RNF43: variants seen among roughly 807,000 people sequenced by gnomAD.
RNF43 encodes E3 ubiquitin-protein ligase RNF43.
In RNF43, 37 loss-of-function variants were observed where a neutral mutation model predicts 78.4. The observed-to-expected ratio is 0.47, with a 90% CI of 0.36 to 0.62. RNF43 has a LOEUF of 0.62. RNF43 is among the 20% of genes least tolerant of loss of function. The pLI is 0.00. For synonymous variants in RNF43, 347 were observed against 395.0 expected (o/e 0.88, Z 1.44); for missense variants, 774 against 1,007.9 (o/e 0.77, Z 3.14).
At chr17:58,377,635 T>C (rs1177567533) in intron 2 of RNF43, among the ~76,000 whole-genome samples, 1 of 151,908 alleles carries the variant, frequency 6.6e-6, no homozygotes, top group Non-Finnish European at 1.5e-5. Context: ...AAGCAATTCT[T>C]CACTGTCTCC....
rs949931901 is a variant in RNF43, at chr17:58,396,186, T to A, written c.252+19140A>T. 1.3e-5 allele frequency among the ~76,000 whole-genome samples: 2 copies of A among 152,112 alleles called. 1 individual carries two copies. The highest frequency in any genetic ancestry group is 4.1e-4 in the South Asian group (2 of 4,826). Reference sequence around the variant, plus strand: ...CAACCTAAAAAAGACCAACGTGATATGGAGGATACAGAAATGATAACAACT... The same window carrying A: ...CAACCTAAAAAAGACCAACGTGATAAGGAGGATACAGAAATGATAACAACT... On this transcript the variant is annotated intron_variant, in intron 2 of 9. Coordinates refer to ENST00000407977, the MANE Select transcript of RNF43 (RefSeq NM_017763.6).
chr17:58,377,492 C>T (rs1402205804), intron 2 of RNF43, among the ~76,000 whole-genome samples: 3 of 152,152 alleles, frequency 2.0e-5, no homozygotes, highest in Admixed American at 2.0e-4. Context: ...AGCCTGCCTC[C>T]TTCCCATGAA....
intron 3 of RNF43, among the ~76,000 whole-genome samples, chr17:58,370,183 C>T (rs1973057417): frequency 6.6e-6 from 1 of 151,538 alleles, no homozygotes; most frequent in African/African-American, 2.4e-5. Flanking sequence ...ATTCTCCTGC[C>T]TCAGCCTCCT....
At chr17:58,413,648 A>C (rs753503154) in intron 2 of RNF43, among the ~76,000 whole-genome samples, 1 of 152,226 alleles carries the variant, frequency 6.6e-6, no homozygotes, top group African/African-American at 2.4e-5. Flanking sequence ...CGATAGAACA[A>C]TAGAAGACAT....
At chr17:58,372,951 C>T (rs1973131586) in intron 2 of RNF43, among the ~76,000 whole-genome samples, 2 of 152,176 alleles carry the variant, frequency 1.3e-5, no homozygotes, top group Admixed American at 6.5e-5. Context: ...GGACATAAGG[C>T]TGGAAGGATC....
intron 2 of RNF43, among the ~76,000 whole-genome samples, chr17:58,381,801 A>T (rs1014352511): frequency 6.6e-6 from 1 of 152,208 alleles, no homozygotes; most frequent in Non-Finnish European, 1.5e-5. Context: ...CTTAGCTCCT[A>T]AGAAGTCTTT....
intron 3 of RNF43, among the ~76,000 whole-genome samples, chr17:58,365,935 G>A (rs958742388): frequency 1.3e-5 from 2 of 152,160 alleles, no homozygotes; most frequent in Non-Finnish European, 2.9e-5. Context: ...AGAGTGAGTT[G>A]CAATTCTGCC....
intron 2 of RNF43, among the ~76,000 whole-genome samples, chr17:58,392,861 AC>A (rs1294337621): frequency 6.6e-6 from 1 of 152,222 alleles, no homozygotes; most frequent in Non-Finnish European, 1.5e-5. Flanking sequence ...CTGGTGACCC[AC>A]CCTGTGTAGT....
rs2143430399 is a variant in RNF43, at chr17:58,358,896, C to T, written c.953-73G>A. 1 of 1,391,452 alleles carries T rather than the reference C, an allele frequency of 7.2e-7. No individual in the cohort carries two copies. The highest frequency in any genetic ancestry group is 9.4e-7 in the Non-Finnish European group (1 of 1,062,582). 86.2% of individuals were successfully genotyped at this position (1,391,452 alleles called of 1,614,324 possible). ...AGAGAATGCATTCAGAAAGACATGG[C>T]TGTAGCTAATCTATTTGACCCTGAG... On this transcript the variant is annotated intron_variant, in intron 8 of 9. Coordinates refer to ENST00000407977, the MANE Select transcript of RNF43 (RefSeq NM_017763.6). This position sits in a 1 kb window ranked among gnomAD's most constrained non-coding sequence, Gnocchi z 6.2.
In RNF43 at chr17:58,358,456, G is replaced by C. The variant is rs751415799; in HGVS notation, c.1320C>G (p.Pro440=). The change falls in exon 9 of 10, where the codon CCC becomes CCG. Residue 440 remains proline, a synonymous_variant. Transcript: ENST00000407977. The surrounding 1 kb of genome is among the most constrained non-coding windows in gnomAD (Gnocchi z 6.2). ...ACPVPLRRAR[P]PDSSGSGESY... ...TTTCTCCAGATCCACTGCTGTCAGGGGGCCTGGCCCGGCGTAGGGGCACTG... is the reference window on the plus strand; with the variant it reads ...TTTCTCCAGATCCACTGCTGTCAGGCGGCCTGGCCCGGCGTAGGGGCACTG... The C allele has an allele frequency of 6.2e-7, 1 of 1,613,996 alleles. No homozygotes were observed. The highest frequency in any genetic ancestry group is 1.1e-5 in the South Asian group (1 of 91,068).
chr17:58,355,330 AG>A (rs1488001378), intron 9 of RNF43, among the ~76,000 whole-genome samples: 1 of 152,202 alleles, frequency 6.6e-6, no homozygotes, highest in Non-Finnish European at 1.5e-5. Flanking sequence ...CTTTTTGGAG[AG>A]AAAGTATGAA....
At chr17:58,410,053 A>C (rs1433739194) in intron 2 of RNF43, among the ~76,000 whole-genome samples, 1 of 150,872 alleles carries the variant, frequency 6.6e-6, no homozygotes, top group Non-Finnish European at 1.5e-5. Flanking sequence ...ATGAACACTA[A>C]ATAGCCTGAT....
chr17:58,365,753 G>T (rs1214269135), intron 3 of RNF43, among the ~76,000 whole-genome samples: 1 of 152,144 alleles, frequency 6.6e-6, no homozygotes, highest in Non-Finnish European at 1.5e-5. Context: ...TACTTATTTG[G>T]GTACTGGAAT....
Position 58,358,070 on chromosome 17 carries a change from G to C in RNF43, c.1706C>G (p.Pro569Arg), listed in dbSNP as rs762276803. Residue 569 changes from proline (P) to arginine (R), a missense_variant, in exon 9 of 10, where the codon CCT becomes CGT. By Grantham distance (103) the Pro-to-Arg change is moderately radical. Coordinates refer to ENST00000407977, the MANE Select transcript of RNF43 (RefSeq NM_017763.6). This position sits in a 1 kb window ranked among gnomAD's most constrained non-coding sequence, Gnocchi z 6.2. ...CTGGGGGACTCCGGTTTCTGGGCCAGGCTTCCTGCCATGCCACTGGAACCG... is the reference window on the plus strand; with the variant it reads ...CTGGGGGACTCCGGTTTCTGGGCCACGCTTCCTGCCATGCCACTGGAACCG... ...KKRFQWHGRK[P>R]GPETGVPQSR... The C allele has an allele frequency of 1.3e-6, 2 of 1,597,678 alleles. No individual in the cohort carries two copies. Among genetic ancestry groups the C allele is most frequent in the Middle Eastern group, 1.7e-4 (1 of 5,956 alleles).
intron 2 of RNF43, among the ~76,000 whole-genome samples, chr17:58,378,173 A>C (rs1293430706): frequency 1.3e-5 from 2 of 152,200 alleles, no homozygotes; most frequent in Non-Finnish European, 2.9e-5. Context: ...ACTTGTCACT[A>C]TCTCTCTGAG....
chr17:58,410,319 G>T (rs1974002956), intron 2 of RNF43, among the ~76,000 whole-genome samples: 1 of 152,174 alleles, frequency 6.6e-6, no homozygotes, highest in African/African-American at 2.4e-5. Context: ...TAGAATAGAA[G>T]ACTCTAAAAG....
At chr17:58,372,444 G>T (rs180995380) in intron 2 of RNF43, among the ~76,000 whole-genome samples, 1 of 152,308 alleles carries the variant, frequency 6.6e-6, no homozygotes, top group Non-Finnish European at 1.5e-5. Flanking sequence ...CCAAGAAAAA[G>T]GCTGGGGCAT....
intron 2 of RNF43, among the ~76,000 whole-genome samples, chr17:58,412,744 C>A (rs1158640077): frequency 2.0e-5 from 3 of 151,154 alleles, no homozygotes; most frequent in East Asian, 3.9e-4. Flanking sequence ...ATTGTCTATA[C>A]ACTGAATTAA....
At chr17:58,365,437 T>C (rs1391609073) in intron 3 of RNF43, among the ~76,000 whole-genome samples, 2 of 152,322 alleles carry the variant, frequency 1.3e-5, no homozygotes, top group East Asian at 3.9e-4. Context: ...TTTGGAGATT[T>C]TGTTATTTCC....
Sources: gnomAD v4.1 joint callset for allele counts (sites outside exome capture counted in the v4.1 genomes callset) on GRCh38, gnomAD v4.1.1 for gene constraint, Gnocchi (gnomAD v3.1) non-coding constraint, MANE v1.5 for transcripts, NCBI Gene and HGNC (gene_info 2026-07-23, HGNC 2026-07-21) for gene names.